GNB4: variants seen among roughly 807,000 people sequenced by gnomAD.
GNB4 encodes guanine nucleotide-binding protein subunit beta-4.
Under a neutral mutation model 45.2 loss-of-function variants are expected in GNB4, and 28 were observed. That is an observed-to-expected ratio of 0.62 (90% CI 0.46 to 0.85). The LOEUF (loss-of-function observed/expected upper bound fraction) is 0.85, where lower values mean the gene tolerates loss of function less well. Among genes scored for constraint, GNB4 ranks in the 40% least tolerant of loss-of-function variants. The pLI, the probability that GNB4 is intolerant of heterozygous loss-of-function variation, is 0.00. For missense variants in GNB4, 321 were observed against 425.4 expected, an observed-to-expected ratio of 0.75 and a Z score of 2.16; for synonymous variants, 132 against 143.7, an observed-to-expected ratio of 0.92 and a Z score of 0.58.
At chr3:179,411,122 A>C (rs888239918) in intron 8 of GNB4, among the ~76,000 whole-genome samples, 6 of 152,164 alleles carry the variant, frequency 3.9e-5, no homozygotes, top group South Asian at 2.1e-4. Context: ...CACAGTTTAC[A>C]ATTATTAAGT....
At chr3:179,498,744 GTTTGGTT>G in the GNB4 span, among the ~76,000 whole-genome samples, 4 of 80,340 alleles carry the variant, frequency 5.0e-5, no homozygotes, top group East Asian at 7.0e-4. Context: ...GTTGGTTGAG[GTTTGGTT>G]TTTTTTTTTT....
Position 179,405,243 on chromosome 3 carries a change from C to G in GNB4, c.863G>C (p.Gly288Ala). The G allele has an allele frequency of 6.2e-6, 10 of 1,614,190 alleles. No homozygotes were observed. The highest frequency in any genetic ancestry group is 7.6e-6 in the Non-Finnish European group (9 of 1,180,020). ...FSKSGRLLLAGYDDFNCNVWD... is the reference protein window; with the variant it reads ...FSKSGRLLLAAYDDFNCNVWD... ...TACATTACAATTAAAGTCATCGTAACCAGCCAACAAGAGACGCCCACTTTT... is the reference window on the plus strand; with the variant it reads ...TACATTACAATTAAAGTCATCGTAAGCAGCCAACAAGAGACGCCCACTTTT... The change falls in exon 9 of 10, where the codon GGT becomes GCT. Residue 288 changes from glycine (G) to alanine (A), a missense_variant. Coordinates refer to ENST00000232564, the MANE Select transcript of GNB4 (RefSeq NM_021629.4).
intron 2 of GNB4, among the ~76,000 whole-genome samples, chr3:179,424,843 A>G (rs1715097414): frequency 6.6e-6 from 1 of 152,140 alleles, no homozygotes; most frequent in African/African-American, 2.4e-5. Context: ...TCCTGTCTCA[A>G]GCAATCCTCC....
At chr3:179,487,409 T>G in the GNB4 span, among the ~76,000 whole-genome samples, 2 of 152,144 alleles carry the variant, frequency 1.3e-5, no homozygotes, top group African/African-American at 2.4e-5. Flanking sequence ...GTCCTTCAAC[T>G]GACTAAACAG....
At chr3:179,442,558 T>A (rs1318870995) in intron 1 of GNB4, among the ~76,000 whole-genome samples, 2 of 152,128 alleles carry the variant, frequency 1.3e-5, no homozygotes, top group Non-Finnish European at 2.9e-5. Flanking sequence ...AGCATTATTA[T>A]CTCTTGGATT....
the GNB4 span, among the ~76,000 whole-genome samples, chr3:179,474,471 G>C: frequency 6.6e-6 from 1 of 152,118 alleles, no homozygotes; most frequent in Non-Finnish European, 1.5e-5. Context: ...TGATCTGCCT[G>C]CCTTGGCCTC....
At chr3:179,520,729 C>G in the GNB4 span, among the ~76,000 whole-genome samples, 13 of 152,276 alleles carry the variant, frequency 8.5e-5, no homozygotes, top group African/African-American at 2.2e-4. Flanking sequence ...CCACATTATT[C>G]CTGATACCAC....
At chr3:179,432,785 GAGA>G (rs1300696575) in intron 1 of GNB4, among the ~76,000 whole-genome samples, 1 of 152,188 alleles carries the variant, frequency 6.6e-6, no homozygotes, top group African/African-American at 2.4e-5. Flanking sequence ...GACAGCAGAA[GAGA>G]AAGTCATCTA....
At chr3:179,439,854 A>T (rs1715553530) in intron 1 of GNB4, among the ~76,000 whole-genome samples, 1 of 152,264 alleles carries the variant, frequency 6.6e-6, no homozygotes, top group Non-Finnish European at 1.5e-5. Flanking sequence ...CCTCCCAGGC[A>T]CATATCCTTA....
intron 1 of GNB4, among the ~76,000 whole-genome samples, chr3:179,447,268 G>C (rs1397850701): frequency 2.0e-5 from 3 of 150,142 alleles, no homozygotes; most frequent in Non-Finnish European, 4.4e-5. Flanking sequence ...GGCTGGAAGA[G>C]AGTGAGCAGG....
At chr3:179,435,370 C>T (rs1715415941) in intron 1 of GNB4, among the ~76,000 whole-genome samples, 1 of 150,766 alleles carries the variant, frequency 6.6e-6, no homozygotes, top group Non-Finnish European at 1.5e-5. Flanking sequence ...TTTATGTGTC[C>T]CAGGGTTCTA....
intron 3 of GNB4, 97 bp downstream of exon 3, chr3:179,420,792 C>T: frequency 1.3e-6 from 1 of 768,516 alleles, no homozygotes; most frequent in Non-Finnish European, 2.3e-6. Flanking sequence ...TAACTTTTTT[C>T]AATTAAGCAC....
chr3:179,450,574 G>A (rs962858177), intron 1 of GNB4, among the ~76,000 whole-genome samples: 1 of 152,262 alleles, frequency 6.6e-6, no homozygotes, highest in East Asian at 1.9e-4. Flanking sequence ...AAAGAGAAAG[G>A]GAAGGAGTGG....
chr3:179,451,985 C>T (rs1351420749), upstream of GNB4, among the ~76,000 whole-genome samples: 1 of 152,140 alleles, frequency 6.6e-6, no homozygotes, highest in Non-Finnish European at 1.5e-5. Flanking sequence ...GACCGTGTAC[C>T]GTCTCGGGCC....
At chr3:179,412,080 C>T (rs887799190) in intron 8 of GNB4, among the ~76,000 whole-genome samples, 2 of 152,186 alleles carry the variant, frequency 1.3e-5, no homozygotes, top group Admixed American at 1.3e-4. Flanking sequence ...CTATGACTAG[C>T]TTATCCTCCT....
At chr3:179,453,091 T>C (rs1715924559), upstream of GNB4, among the ~76,000 whole-genome samples, 2 of 152,234 alleles carry the variant, frequency 1.3e-5, no homozygotes, top group Non-Finnish European at 2.9e-5. Context: ...GGTAGAGCCC[T>C]GCATGACATC....
upstream of GNB4, among the ~76,000 whole-genome samples, chr3:179,452,925 A>C (rs1390514329): frequency 6.6e-6 from 1 of 152,160 alleles, no homozygotes; most frequent in African/African-American, 2.4e-5. Flanking sequence ...AGCAAAGGGA[A>C]ATTGTTAAAG....
chr3:179,411,337 AGTT>A (rs1277952893), intron 8 of GNB4, among the ~76,000 whole-genome samples: 2 of 152,146 alleles, frequency 1.3e-5, no homozygotes, highest in Admixed American at 6.5e-5. Context: ...AATATAATGA[AGTT>A]GGTCATAATT....
At chr3:179,477,595 G>A in the GNB4 span, among the ~76,000 whole-genome samples, 1 of 152,092 alleles carries the variant, frequency 6.6e-6, no homozygotes, top group Non-Finnish European at 1.5e-5. Context: ...GATTACACTG[G>A]GCATTGTGGC....
Sources: gnomAD v4.1 joint callset for allele counts (sites outside exome capture counted in the v4.1 genomes callset) on GRCh38, gnomAD v4.1.1 for gene constraint, MANE v1.5 for transcripts, NCBI Gene and HGNC (gene_info 2026-07-23, HGNC 2026-07-21) for gene names.